Variants in EYS observed in about 807,000 individuals in gnomAD.
EYS encodes the protein protein eyes shut homolog.
EYS carries 250 observed loss-of-function variants against 282.1 expected under a neutral mutation model. The observed-to-expected ratio is 0.89, with a 90% CI of 0.80 to 0.98. The LOEUF is 0.98. EYS is among the 50% of genes least tolerant of loss of function. The pLI is 0.00. For missense variants in EYS, 4,016 were observed against 3,709.0 expected (o/e 1.08, Z -2.15); for synonymous variants, 1,355 against 1,282.9 (o/e 1.06, Z -1.20).
At chr6:64,387,890 T>A (rs1214132999) in intron 29 of EYS, among the ~76,000 whole-genome samples, 1 of 152,204 alleles carries the variant, frequency 6.6e-6, no homozygotes, top group East Asian at 1.9e-4. Context: ...TCTTGTATAC[T>A]ACGGAGTCAT....
chr6:65,396,390 C>T (rs1017087888), intron 7 of EYS, among the ~76,000 whole-genome samples: 2 of 152,096 alleles, frequency 1.3e-5, no homozygotes, highest in Non-Finnish European at 2.9e-5. Context: ...TCTCCCCCAA[C>T]GTTTATTCCA....
chr6:64,430,555 A>G (rs1774543185), intron 28 of EYS, among the ~76,000 whole-genome samples: 1 of 152,226 alleles, frequency 6.6e-6, no homozygotes, highest in Non-Finnish European at 1.5e-5. Flanking sequence ...TTCAAATTCA[A>G]CTACTAAGTG....
chr6:64,599,580 C>A (rs113610949), intron 24 of EYS, among the ~76,000 whole-genome samples: 1 of 152,026 alleles, frequency 6.6e-6, no homozygotes, highest in Non-Finnish European at 1.5e-5. Context: ...ATTTGAGAAG[C>A]TTATTGGCTA....
intron 12 of EYS, among the ~76,000 whole-genome samples, chr6:65,220,398 GT>G (rs1474914590): frequency 5.3e-5 from 8 of 152,138 alleles, no homozygotes; most frequent in Non-Finnish European, 4.4e-5. Context: ...ATGAGGGCAT[GT>G]TTTTCTCATG....
intron 31 of EYS, among the ~76,000 whole-genome samples, chr6:64,196,003 G>A (rs905229911): frequency 6.6e-6 from 1 of 152,004 alleles, no homozygotes; most frequent in Non-Finnish European, 1.5e-5. Flanking sequence ...ATCTGACAAA[G>A]GGCTAATATC....
intron 31 of EYS, among the ~76,000 whole-genome samples, chr6:64,101,291 T>C (rs1000370342): frequency 2.0e-5 from 3 of 152,142 alleles, no homozygotes; most frequent in Non-Finnish European, 4.4e-5. Flanking sequence ...TTGAAGATTG[T>C]GTAGATTATT....
chr6:64,531,566 TTA>T (rs1764339009), intron 26 of EYS, among the ~76,000 whole-genome samples: 1 of 146,058 alleles, frequency 6.8e-6, no homozygotes, highest in Admixed American at 6.9e-5. Context: ...TTATTTTATT[TTA>T]TTTTATTTTA....
intron 12 of EYS, among the ~76,000 whole-genome samples, chr6:65,162,519 G>A (rs544220985): frequency 7.9e-5 from 12 of 150,952 alleles, no homozygotes; most frequent in African/African-American, 1.7e-4. Context: ...GACACATATA[G>A]TACATTACAT....
rs539638162 is a variant in EYS at position 64,800,562 on chromosome 6, G to T, written c.3443+12816C>A. The stretch of plus-strand genomic sequence containing the variant: ...GTTTAATCTAATTTTTTTTTCCAAA[G>T]GAAGCTTTTTTTTTTTTTAAAGTTT... On this transcript the variant is annotated intron_variant, in intron 22 of 42. Coordinates refer to ENST00000503581, the MANE Select transcript of EYS (RefSeq NM_001142800.2). 2.4e-4 allele frequency among the ~76,000 whole-genome samples: 29 copies of T among 120,396 alleles called. No individual in the cohort carries two copies. In the South Asian group the frequency reaches 7.6e-3, roughly 31 times the overall value. The allele number at this position is 120,396 out of a possible 152,430, so 79.0% of individuals were successfully genotyped here. A position where few individuals can be genotyped will look rare whatever the true frequency, so the allele number is the denominator to read the frequency against.
In EYS at chr6:64,482,845, T is replaced by C. The variant is rs886990119; in HGVS notation, c.5645-43493A>G. On this transcript the variant is annotated intron_variant, in intron 26 of 42. Coordinates refer to ENST00000503581, the MANE Select transcript of EYS (RefSeq NM_001142800.2). ...CAGATGACTAAGTATATTTTTTCTA[T>C]GTTACTTCCTCAATGAACTTCTTGC... Among the ~76,000 whole-genome samples, 8 of 151,856 alleles carry C rather than the reference T, an allele frequency of 5.3e-5. No individual in the cohort carries two copies. In the South Asian group the frequency reaches 1.7e-3, roughly 31 times the overall value.
intron 18 of EYS, among the ~76,000 whole-genome samples, chr6:64,894,436 G>A (rs1202591051): frequency 6.6e-6 from 1 of 152,082 alleles, no homozygotes; most frequent in Admixed American, 6.6e-5. Context: ...CTGATGACGG[G>A]GTTTTAGAAA....
At chr6:64,570,357 A>G (rs9452024) in intron 26 of EYS, among the ~76,000 whole-genome samples, 84,890 of 152,062 alleles carry the variant, frequency 0.56, 23,793 homozygotes, top group South Asian at 0.65. Context: ...TGTAAAAACC[A>G]TCGACACTAT....
In EYS at chr6:64,920,416, T is replaced by G. The variant is rs554013653; in HGVS notation, c.2382-7673A>C. Among the ~76,000 whole-genome samples the G allele has an allele frequency of 1.6e-4, 25 of 152,310 alleles. 1 individual carries two copies. The South Asian group carries it at 5.2e-3, about 32-fold the overall frequency. On this transcript the variant is annotated intron_variant, in intron 15 of 42. Coordinates refer to ENST00000503581, the MANE Select transcript of EYS (RefSeq NM_001142800.2). ...TTACTGTCTTTAATTTCTTCTATTT[T>G]ATTTTTCCTTAATGGTGTGTGTGTG... is the stretch of plus-strand genomic sequence containing the variant.
At chr6:64,024,516 C>T (rs576861151) in intron 33 of EYS, among the ~76,000 whole-genome samples, 2 of 152,028 alleles carry the variant, frequency 1.3e-5, no homozygotes, top group Non-Finnish European at 2.9e-5. Context: ...GCAGGCTTCC[C>T]GAGCAAGCAG....
At chr6:65,576,737 C>G (rs1764682783) in intron 2 of EYS, among the ~76,000 whole-genome samples, 1 of 151,742 alleles carries the variant, frequency 6.6e-6, no homozygotes, top group Non-Finnish European at 1.5e-5. Flanking sequence ...CTTCGGGATA[C>G]AAAATCAACA....
At chr6:63,733,403 A>G (rs954117693) in intron 41 of EYS, among the ~76,000 whole-genome samples, 4 of 152,088 alleles carry the variant, frequency 2.6e-5, no homozygotes, top group African/African-American at 9.7e-5. Context: ...TAAGCATAGT[A>G]CCCAATAGGT....
chr6:63,951,651 T>C (rs892545781), intron 35 of EYS, among the ~76,000 whole-genome samples: 17 of 152,072 alleles, frequency 1.1e-4, no homozygotes, highest in African/African-American at 4.1e-4. Flanking sequence ...TTTTATCTCC[T>C]CCCCTCCTCA....
chr6:64,358,150 T>G (rs573770617), intron 29 of EYS, among the ~76,000 whole-genome samples: 1 of 151,780 alleles, frequency 6.6e-6, no homozygotes, highest in Non-Finnish European at 1.5e-5. Context: ...TAAACTTGTT[T>G]CATTTGCCCA....
chr6:64,295,411 GA>G (rs377041643), intron 30 of EYS, among the ~76,000 whole-genome samples: 1 of 12 alleles, frequency 0.083, no homozygotes, highest in Non-Finnish European at 0.17. Context: ...GGAAGGAGAG[GA>G]AAGAAGAAGA....
Sources: gnomAD v4.1 joint callset for allele counts (sites outside exome capture counted in the v4.1 genomes callset) on GRCh38, gnomAD v4.1.1 for gene constraint, MANE v1.5 for transcripts, NCBI Gene and HGNC (gene_info 2026-07-23, HGNC 2026-07-21) for gene names.